Variants in ATP2B2 observed in about 807,000 individuals in gnomAD.
ATP2B2 encodes the protein ATPase plasma membrane Ca2+ transporting 2, also known as plasma membrane calcium-transporting ATPase 2.
Under a neutral mutation model 120.0 loss-of-function variants are expected in ATP2B2, and 15 were observed. The observed-to-expected ratio is 0.12, with a 90% CI of 0.08 to 0.19. The LOEUF (loss-of-function observed/expected upper bound fraction) is 0.19, where lower values mean the gene tolerates loss of function less well. Ranked by LOEUF, ATP2B2 falls within the 10% of genes least tolerant of loss-of-function variation. ATP2B2 has a pLI of 1.00. For missense variants in ATP2B2, 1,045 were observed against 1,719.8 expected (o/e 0.61, Z 6.94); for synonymous variants, 694 against 700.3 (o/e 0.99, Z 0.14).
chr3:10,690,850 C>T (rs2071647266), intron 1 of ATP2B2, among the ~76,000 whole-genome samples: 1 of 152,200 alleles, frequency 6.6e-6, no homozygotes, highest in Non-Finnish European at 1.5e-5. Context: ...GGCCCACACC[C>T]ATTTTAAGAA....
At chr3:10,378,956 C>T (rs1384329228) in intron 9 of ATP2B2, among the ~76,000 whole-genome samples, 22 of 152,230 alleles carry the variant, frequency 1.4e-4, no homozygotes, top group Admixed American at 6.5e-5. Flanking sequence ...GCCAAACTCC[C>T]TACCCCTCAA....
intron 1 of ATP2B2, among the ~76,000 whole-genome samples, chr3:10,488,491 C>T (rs1014100246): frequency 1.9e-5 from 2 of 104,602 alleles, no homozygotes; most frequent in East Asian, 6.1e-4. Flanking sequence ...TCCTTCCTTC[C>T]TTCCTTCCTT....
At chr3:10,535,107 G>T (rs912208707) in intron 2 of ATP2B2, among the ~76,000 whole-genome samples, 7 of 151,844 alleles carry the variant, frequency 4.6e-5, no homozygotes, top group Non-Finnish European at 8.8e-5. Context: ...GTTTCACCGT[G>T]TTGCCAGGCT....
chr3:10,404,872 G>C (rs1262379262), intron 3 of ATP2B2, among the ~76,000 whole-genome samples: 3 of 152,188 alleles, frequency 2.0e-5, no homozygotes, highest in African/African-American at 7.2e-5. Flanking sequence ...AGAGCCCCAT[G>C]CTGCATTTTA....
At chr3:10,694,890 C>A (rs1284404846) in intron 1 of ATP2B2, among the ~76,000 whole-genome samples, 5 of 152,062 alleles carry the variant, frequency 3.3e-5, no homozygotes, top group Non-Finnish European at 7.4e-5. Context: ...CTGATTTTGG[C>A]AGCTGTGCAA....
intron 1 of ATP2B2, among the ~76,000 whole-genome samples, chr3:10,494,533 C>A (rs1368819670): frequency 6.6e-6 from 1 of 152,146 alleles, no homozygotes; most frequent in Non-Finnish European, 1.5e-5. Flanking sequence ...AATTCTGCAT[C>A]CTGGGATTTA....
chr3:10,458,378 G>A (rs1335526475), intron 1 of ATP2B2, among the ~76,000 whole-genome samples: 1 of 152,136 alleles, frequency 6.6e-6, no homozygotes, highest in Non-Finnish European at 1.5e-5. Flanking sequence ...CTTTTGGTTC[G>A]GGTTTTCCCT....
chr3:10,643,612 G>A (rs13090409), intron 1 of ATP2B2, among the ~76,000 whole-genome samples: 42,331 of 152,144 alleles, frequency 0.28, 10,552 homozygotes, highest in African/African-American at 0.67. Flanking sequence ...CTAAGAACAC[G>A]TAACTGGAAG....
rs529593821 is a variant in ATP2B2, at chr3:10,619,470, G to A, written c.-415+447C>T. 1.2e-4 allele frequency among the ~76,000 whole-genome samples: 18 copies of A among 152,268 alleles called. No individual in the cohort carries two copies. The South Asian group carries it at 2.7e-3, about 23-fold the overall frequency. On this transcript the variant is annotated intron_variant, in intron 2 of 21. Coordinates refer to the ATP2B2 transcript ENST00000646379. Reference sequence around the variant, plus strand: ...TCTGATGGCGTTAAAAGATACTGACGTGTAAATAACAGATATGACAGCCAC... The same window carrying A: ...TCTGATGGCGTTAAAAGATACTGACATGTAAATAACAGATATGACAGCCAC...
At position 10,375,401 on chromosome 3, in the gene ATP2B2, C is replaced by T. The variant is rs756650411; in HGVS notation, c.1416+29G>A. On this transcript the variant is annotated intron_variant, in intron 11 of 22. Transcript: ENST00000360273. This position sits in a 1 kb window ranked among gnomAD's most constrained non-coding sequence, Gnocchi z 4.2. ...GGCCCTCAGCTGCAGCTGCATCAGCCGGCTGGTCCTGCTCTCCTCCCCTCT... is the reference window on the plus strand; with the variant it reads ...GGCCCTCAGCTGCAGCTGCATCAGCTGGCTGGTCCTGCTCTCCTCCCCTCT... 21 of 1,579,280 alleles carry T rather than the reference C, an allele frequency of 1.3e-5. No individual in the cohort carries two copies. Among genetic ancestry groups the T allele is most frequent in the South Asian group, 5.5e-5 (5 of 90,326 alleles).
At chr3:10,339,343 G>A (rs2060212337) in intron 21 of ATP2B2, among the ~76,000 whole-genome samples, 1 of 152,136 alleles carries the variant, frequency 6.6e-6, no homozygotes, top group South Asian at 2.1e-4. Context: ...TTTTGCCCCC[G>A]TAGCTTCTCA....
intron 1 of ATP2B2, among the ~76,000 whole-genome samples, chr3:10,484,397 G>A (rs1336843380): frequency 2.6e-5 from 4 of 152,220 alleles, no homozygotes; most frequent in South Asian, 2.1e-4. Context: ...AGGCTGAGGG[G>A]TCTGCATGCA....
intron 3 of ATP2B2, among the ~76,000 whole-genome samples, chr3:10,410,110 T>C (rs1016866110): frequency 4.6e-5 from 7 of 152,206 alleles, no homozygotes; most frequent in African/African-American, 1.7e-4. Flanking sequence ...TCGAGCAGAT[T>C]AACCCCCTTT....
chr3:10,664,067 C>T (rs2070860586), intron 1 of ATP2B2, among the ~76,000 whole-genome samples: 1 of 152,084 alleles, frequency 6.6e-6, no homozygotes, highest in Non-Finnish European at 1.5e-5. Flanking sequence ...TCAGTAGTGC[C>T]ATTACCCCCA....
intron 14 of ATP2B2, among the ~76,000 whole-genome samples, chr3:10,357,827 G>C (rs1436419063): frequency 1.3e-5 from 2 of 152,180 alleles, no homozygotes; most frequent in Non-Finnish European, 2.9e-5. Context: ...GCCATGCACC[G>C]TTTTGGAGAT....
intron 1 of ATP2B2, among the ~76,000 whole-genome samples, chr3:10,648,751 A>G (rs1257198767): frequency 1.3e-5 from 2 of 152,028 alleles, no homozygotes; most frequent in East Asian, 1.9e-4. Flanking sequence ...CAAATCACCA[A>G]CACTTCTCCC....
intron 1 of ATP2B2, among the ~76,000 whole-genome samples, chr3:10,458,997 A>G (rs2064375786): frequency 6.6e-6 from 1 of 152,192 alleles, no homozygotes; most frequent in South Asian, 2.1e-4. Context: ...ACCCTCAAGG[A>G]TCCTTGCTTC....
intron 1 of ATP2B2, among the ~76,000 whole-genome samples, chr3:10,695,613 C>A (rs116065554): frequency 6.6e-6 from 1 of 152,058 alleles, no homozygotes; most frequent in Non-Finnish European, 1.5e-5. Flanking sequence ...TGAGGTCATC[C>A]CAGACCAGCC....
chr3:10,451,164 G>A (rs772633346), intron 1 of ATP2B2, among the ~76,000 whole-genome samples: 12 of 152,214 alleles, frequency 7.9e-5, no homozygotes, highest in African/African-American at 1.4e-4. Flanking sequence ...AGAGCCGCAC[G>A]GAGTGAGAGT....
Sources: gnomAD v4.1 joint callset for allele counts (sites outside exome capture counted in the v4.1 genomes callset) on GRCh38, gnomAD v4.1.1 for gene constraint, Gnocchi (gnomAD v3.1) non-coding constraint, MANE v1.5 for transcripts, NCBI Gene and HGNC (gene_info 2026-07-23, HGNC 2026-07-21) for gene names.